The following KHDRBS3 variants were observed in gnomAD, a reference collection of about 807,000 sequenced individuals.
The protein encoded by KHDRBS3 is KH domain-containing, RNA-binding, signal transduction-associated protein 3.
KHDRBS3 carries 23 observed loss-of-function variants against 45.6 expected under a neutral mutation model. The ratio of observed to expected loss-of-function variants is 0.50; its 90% CI spans 0.36 to 0.72. The LOEUF is 0.72. Among genes scored for constraint, KHDRBS3 ranks in the 30% least tolerant of loss-of-function variants. The pLI is 0.00. For synonymous variants in KHDRBS3, 162 were observed against 156.5 expected, an observed-to-expected ratio of 1.04 and a Z score of -0.26; for missense variants, 352 against 424.8, an observed-to-expected ratio of 0.83 and a Z score of 1.51.
chr8:135,472,759 A>AT (rs1822077907), intron 1 of KHDRBS3, among the ~76,000 whole-genome samples: 1 of 152,144 alleles, frequency 6.6e-6, no homozygotes, highest in South Asian at 2.1e-4. Context: ...GTTTTGTATT[A>AT]TGTGAGTTTA....
At chr8:135,525,765 C>G (rs148528813) in intron 2 of KHDRBS3, among the ~76,000 whole-genome samples, 1 of 152,088 alleles carries the variant, frequency 6.6e-6, no homozygotes, top group South Asian at 2.1e-4. Flanking sequence ...GCTCTGTATA[C>G]TTAATATGCA....
intron 7 of KHDRBS3, among the ~76,000 whole-genome samples, chr8:135,620,137 A>G (rs1244665951): frequency 1.3e-5 from 2 of 148,424 alleles, no homozygotes; most frequent in East Asian, 4.0e-4. Flanking sequence ...TAGTGGCGTG[A>G]TCTCTGCTCA....
At position 135,477,934 on chromosome 8, in the gene KHDRBS3, G is replaced by A. The variant is rs544599523; in HGVS notation, c.88+19980G>A. ...TTGTAAGGAACCGGGTGCTCAGCAG[G>A]AGGTGAGTGGCTGGTGAGTGAGCAT... On this transcript the variant is annotated intron_variant, in intron 1 of 8. Transcript: ENST00000355849. Among the ~76,000 whole-genome samples the A allele has an allele frequency of 1.6e-4, 24 of 152,300 alleles. 1 individual carries two copies. In the South Asian group the frequency reaches 4.6e-3, roughly 29 times the overall value.
intron 4 of KHDRBS3, among the ~76,000 whole-genome samples, chr8:135,552,236 C>A (rs1242491169): frequency 6.6e-6 from 1 of 152,062 alleles, no homozygotes; most frequent in Non-Finnish European, 1.5e-5. Flanking sequence ...CACCACACCC[C>A]CTAATTCCAG....
At chr8:135,613,132 A>T (rs1829774422) in intron 7 of KHDRBS3, among the ~76,000 whole-genome samples, 1 of 151,788 alleles carries the variant, frequency 6.6e-6, no homozygotes, top group Non-Finnish European at 1.5e-5. Context: ...TTAAATTCCT[A>T]TTTTAATGTT....
chr8:135,561,406 A>G (rs1296572685), intron 5 of KHDRBS3, among the ~76,000 whole-genome samples: 1 of 152,160 alleles, frequency 6.6e-6, no homozygotes, highest in Non-Finnish European at 1.5e-5. Context: ...CCAGGGAGGT[A>G]GATTCTTTGC....
intron 6 of KHDRBS3, among the ~76,000 whole-genome samples, chr8:135,597,127 C>T (rs779200015): frequency 1.3e-5 from 2 of 152,166 alleles, no homozygotes; most frequent in Non-Finnish European, 2.9e-5. Context: ...GATCAAGACA[C>T]CTACAGATTA....
chr8:135,612,025 C>T (rs2131048394), intron 7 of KHDRBS3, among the ~76,000 whole-genome samples: 1 of 151,874 alleles, frequency 6.6e-6, no homozygotes, highest in East Asian at 1.9e-4. Flanking sequence ...AATTATCTCC[C>T]CTCTCTGCAT....
At chr8:135,494,279 T>TTTA (rs1823309227) in intron 1 of KHDRBS3, among the ~76,000 whole-genome samples, 1 of 131,684 alleles carries the variant, frequency 7.6e-6, no homozygotes, top group Non-Finnish European at 1.6e-5. Context: ...TCTTATTTTT[T>TTTA]TTTTTTTTTT....
intron 7 of KHDRBS3, among the ~76,000 whole-genome samples, chr8:135,610,230 G>A (rs1336982630): frequency 6.6e-6 from 1 of 151,866 alleles, no homozygotes; most frequent in Non-Finnish European, 1.5e-5. Flanking sequence ...CTTAGAGCCT[G>A]CTCTAAATCA....
intron 7 of KHDRBS3, chr8:135,625,959 G>A (rs1586824370): frequency 3.0e-5 from 24 of 799,204 alleles, no homozygotes; most frequent in East Asian, 2.2e-4. Flanking sequence ...GGTCACTGAC[G>A]TTGAGTATAC....
At chr8:135,557,378 GC>G (rs2054488085) in intron 4 of KHDRBS3, 69 bp from the exon 5 acceptor site, 1 of 892,964 alleles carries the variant, frequency 1.1e-6, no homozygotes, top group Admixed American at 2.8e-5. Flanking sequence ...AGAATTACTT[GC>G]TTTTTGTTCT....
intron 2 of KHDRBS3, among the ~76,000 whole-genome samples, chr8:135,533,261 A>G (rs1310172616): frequency 6.6e-6 from 1 of 152,194 alleles, no homozygotes; most frequent in Non-Finnish European, 1.5e-5. Context: ...TACAATTTAA[A>G]TTAGTGACAA....
At chr8:135,490,618 A>G (rs1259827430) in intron 1 of KHDRBS3, among the ~76,000 whole-genome samples, 4 of 152,242 alleles carry the variant, frequency 2.6e-5, no homozygotes, top group African/African-American at 4.8e-5. Flanking sequence ...ATAAATGAAA[A>G]TAATATGACT....
intron 1 of KHDRBS3, among the ~76,000 whole-genome samples, chr8:135,488,958 C>T (rs1823002293): frequency 6.6e-6 from 1 of 152,046 alleles, no homozygotes; most frequent in Non-Finnish European, 1.5e-5. Context: ...ATTAGTTGTG[C>T]AATGTTGGTT....
chr8:135,637,232 G>A (rs1420840468), intron 7 of KHDRBS3, among the ~76,000 whole-genome samples: 1 of 152,200 alleles, frequency 6.6e-6, no homozygotes, highest in East Asian at 1.9e-4. Context: ...CAAATCTTCA[G>A]TTATGTATGA....
chr8:135,592,328 T>G (rs1158713659), intron 6 of KHDRBS3, among the ~76,000 whole-genome samples: 2 of 152,146 alleles, frequency 1.3e-5, no homozygotes, highest in Admixed American at 1.3e-4. Flanking sequence ...AATGAAAATG[T>G]CATTAAGGCA....
At chr8:135,608,535 C>T (rs759419076) in intron 7 of KHDRBS3, among the ~76,000 whole-genome samples, 3 of 152,194 alleles carry the variant, frequency 2.0e-5, no homozygotes, top group Non-Finnish European at 4.4e-5. Context: ...GATTCTGGCA[C>T]TTGCTTGTGA....
intron 7 of KHDRBS3, among the ~76,000 whole-genome samples, chr8:135,620,796 C>A (rs1217236028): frequency 6.6e-6 from 1 of 152,152 alleles, no homozygotes; most frequent in African/African-American, 2.4e-5. Flanking sequence ...CCTATAAGTA[C>A]TAAGGCTTCT....
Sources: gnomAD v4.1 joint callset for allele counts (sites outside exome capture counted in the v4.1 genomes callset) on GRCh38, gnomAD v4.1.1 for gene constraint, MANE v1.5 for transcripts, NCBI Gene and HGNC (gene_info 2026-07-23, HGNC 2026-07-21) for gene names.